Variants in STK39 observed in about 807,000 individuals in gnomAD.
The protein encoded by STK39 is STE20/SPS1-related proline-alanine-rich protein kinase.
Under a neutral mutation model 77.8 loss-of-function variants are expected in STK39, and 20 were observed. The ratio of observed to expected loss-of-function variants is 0.26; its 90% confidence interval spans 0.18 to 0.37. The LOEUF is 0.37. Among genes scored for constraint, STK39 ranks in the 10% least tolerant of loss-of-function variants. The probability of loss-of-function intolerance (pLI) is 1.00; values close to 1 mark genes in which losing one functional copy is unlikely to be tolerated. For synonymous variants in STK39, 246 were observed against 234.1 expected (o/e 1.05, Z -0.47); for missense variants, 479 against 656.5 (o/e 0.73, Z 2.95).
chr2:167,984,052 C>A (rs1359622869), intron 16 of STK39, among the ~76,000 whole-genome samples: 2 of 152,104 alleles, frequency 1.3e-5, no homozygotes, highest in African/African-American at 4.8e-5. Context: ...GGAGGAAACT[C>A]AAGCTGTTGC....
chr2:168,086,722 T>G (rs951686488), intron 10 of STK39, among the ~76,000 whole-genome samples: 55 of 152,294 alleles, frequency 3.6e-4, no homozygotes, highest in African/African-American at 1.3e-3. Flanking sequence ...AGAAGCAAAT[T>G]TGACAAACAT....
At chr2:168,066,630 C>T (rs1177129989) in intron 12 of STK39, among the ~76,000 whole-genome samples, 1 of 152,178 alleles carries the variant, frequency 6.6e-6, no homozygotes, top group African/African-American at 2.4e-5. Flanking sequence ...CCTGAAAAAC[C>T]TTAGTGGCAT....
At chr2:168,142,025 C>G (rs1687997311) in intron 5 of STK39, among the ~76,000 whole-genome samples, 1 of 152,166 alleles carries the variant, frequency 6.6e-6, no homozygotes, top group African/African-American at 2.4e-5. Context: ...CAAATGGAGT[C>G]TTTGTTCCAA....
chr2:168,210,666 C>A (rs13033632), intron 1 of STK39, among the ~76,000 whole-genome samples: 24,548 of 152,054 alleles, frequency 0.16, 2,039 homozygotes, highest in East Asian at 0.25. Context: ...ACCACAGGCA[C>A]CTGCCACCAC....
At chr2:168,056,131 A>T (rs116315982) in intron 14 of STK39, among the ~76,000 whole-genome samples, 1,539 of 152,300 alleles carry the variant, frequency 0.01, 33 homozygotes, top group African/African-American at 0.035. Flanking sequence ...TATAACAGCA[A>T]ATTAAAGCAA....
intron 10 of STK39, among the ~76,000 whole-genome samples, chr2:168,081,618 A>C (rs1221909989): frequency 1.3e-5 from 2 of 152,132 alleles, no homozygotes; most frequent in Non-Finnish European, 1.5e-5. Context: ...GGCATGATTG[A>C]TTCTGAAATG....
intron 17 of STK39, among the ~76,000 whole-genome samples, chr2:167,957,898 T>C (rs1446505): frequency 0.38 from 57,120 of 151,980 alleles, 11,423 homozygotes; most frequent in Non-Finnish European, 0.44. Flanking sequence ...TTCACAAAGT[T>C]CCTACCCACC....
chr2:168,183,149 C>T (rs1158440827), intron 1 of STK39, among the ~76,000 whole-genome samples: 1 of 152,146 alleles, frequency 6.6e-6, no homozygotes, highest in African/African-American at 2.4e-5. Flanking sequence ...CAAGGAAGGG[C>T]CCAAATGGGT....
At chr2:168,057,081 A>C (rs1685545681) in intron 14 of STK39, among the ~76,000 whole-genome samples, 2 of 152,246 alleles carry the variant, frequency 1.3e-5, no homozygotes, top group African/African-American at 4.8e-5. Flanking sequence ...CCTTGCACAC[A>C]AGAGATCAGC....
At chr2:168,214,670 T>G (rs1348719278) in intron 1 of STK39, among the ~76,000 whole-genome samples, 1 of 152,146 alleles carries the variant, frequency 6.6e-6, no homozygotes, top group East Asian at 1.9e-4. Flanking sequence ...AATAATAACA[T>G]GTTTTACAAG....
At chr2:168,068,926 T>C (rs1685867698) in intron 12 of STK39, among the ~76,000 whole-genome samples, 1 of 152,192 alleles carries the variant, frequency 6.6e-6, no homozygotes, top group South Asian at 2.1e-4. Context: ...AGAAATATTT[T>C]TTTTTTCTGA....
intron 10 of STK39, among the ~76,000 whole-genome samples, chr2:168,104,655 A>T (rs528978207): frequency 6.6e-6 from 1 of 152,294 alleles, no homozygotes; most frequent in East Asian, 1.9e-4. Flanking sequence ...AGGGCCACTA[A>T]TTAGGGCTTC....
At chr2:168,246,859 G>A (rs1478124837) in intron 1 of STK39, among the ~76,000 whole-genome samples, 1 of 151,730 alleles carries the variant, frequency 6.6e-6, no homozygotes. Flanking sequence ...CTGCCTGTCC[G>A]CGTGGCCACC....
At chr2:168,037,399 A>G (rs1051769053) in intron 14 of STK39, among the ~76,000 whole-genome samples, 1 of 152,236 alleles carries the variant, frequency 6.6e-6, no homozygotes, top group Admixed American at 6.5e-5. Flanking sequence ...AATGTTTCCA[A>G]ATTTTTAAGA....
intron 10 of STK39, among the ~76,000 whole-genome samples, chr2:168,088,639 T>C (rs915481678): frequency 5.3e-5 from 8 of 152,026 alleles, no homozygotes; most frequent in African/African-American, 1.4e-4. Flanking sequence ...TCAGAGACCA[T>C]CAAAATATAA....
rs145762448 is a variant in STK39 at position 167,985,218 on chromosome 2, C to T, written c.1499-20492G>A. Among the ~76,000 whole-genome samples the T allele has an allele frequency of 2.0e-3, 304 of 152,206 alleles. 1 individual carries two copies. The highest frequency in any genetic ancestry group is 6.8e-3 in the African/African-American group (282 of 41,522). ...TTTATCAGGGAATTCATTTTTCTTC[C>T]CTGATATTGTTCTCTTACCACCAGG... On this transcript the variant is annotated intron_variant, in intron 16 of 17. Transcript: ENST00000355999.
intron 1 of STK39, among the ~76,000 whole-genome samples, chr2:168,204,158 C>T (rs16855116): frequency 0.16 from 23,964 of 152,226 alleles, 2,259 homozygotes; most frequent in African/African-American, 0.25. Flanking sequence ...GGACAGTCTA[C>T]TTGTCAAGGG....
Position 168,003,108 on chromosome 2 carries a change from T to A in STK39, c.1498+9526A>T, listed in dbSNP as rs190037521. ...AAACGATTCTCCTGCCTCAGCCCCC[T>A]GAGTAGCTGGGATTACAGGCACACA... On this transcript the variant is annotated intron_variant, in intron 16 of 17. Coordinates refer to ENST00000355999, the MANE Select transcript of STK39 (RefSeq NM_013233.3). 5.0e-3 allele frequency among the ~76,000 whole-genome samples: 765 copies of A among 152,254 alleles called. 8 individuals are homozygous for A. The highest frequency in any genetic ancestry group is 0.017 in the African/African-American group (724 of 41,550).
In STK39 at chr2:168,182,023, T is replaced by C. The variant is rs1689093868; in HGVS notation, c.276A>G (p.Lys92=). The C allele has an allele frequency of 1.6e-5, 26 of 1,613,896 alleles. No homozygotes were observed. In the East Asian group the frequency reaches 5.6e-4, roughly 35 times the overall value. The change falls in exon 2 of 18, where the codon AAA becomes AAG. Residue 92 remains lysine (K), a synonymous_variant. Transcript: ENST00000355999. Reference sequence around the variant, plus strand: ...TCTGGCATTTTTCCAAGTTGATCCGTTTTATTGCTACACGTTCTTGCCTGG... The same window carrying C: ...TCTGGCATTTTTCCAAGTTGATCCGCTTTATTGCTACACGTTCTTGCCTGG... ...CKPRQERVAI[K]RINLEKCQTS... is the part of the protein sequence containing the mutation.
Sources: allele counts gnomAD v4.1 joint callset (sites outside exome capture counted in the v4.1 genomes callset), GRCh38; gene constraint gnomAD v4.1.1; transcripts MANE v1.5; gene names NCBI Gene and HGNC (gene_info 2026-07-23, HGNC 2026-07-21).